Variants in SLC25A21 observed in about 807,000 individuals in gnomAD.
SLC25A21 encodes solute carrier family 25 member 21.
SLC25A21 carries 47 observed loss-of-function variants against 43.8 expected under a neutral mutation model. The observed-to-expected ratio is 1.07, with a 90% CI of 0.85 to 1.37. The LOEUF is 1.37. Ranked by LOEUF, SLC25A21 falls within the 40% of genes most tolerant of loss-of-function variation. SLC25A21 has a pLI of 0.00. For missense variants in SLC25A21, 352 were observed against 350.2 expected, an observed-to-expected ratio of 1.00 and a Z score of -0.04; for synonymous variants, 131 against 121.3, an observed-to-expected ratio of 1.08 and a Z score of -0.52.
chr14:36,825,398 A>T (rs1448108684), intron 2 of SLC25A21, among the ~76,000 whole-genome samples: 1 of 152,240 alleles, frequency 6.6e-6, no homozygotes, highest in Non-Finnish European at 1.5e-5. Context: ...AAAAATAATT[A>T]AAAATCACTT....
At chr14:36,712,609 T>G (rs1883932389) in intron 6 of SLC25A21, among the ~76,000 whole-genome samples, 2 of 152,190 alleles carry the variant, frequency 1.3e-5, no homozygotes, top group African/African-American at 4.8e-5. Context: ...GTAAATCCTA[T>G]AGTCTTTGCT....
intron 6 of SLC25A21, among the ~76,000 whole-genome samples, chr14:36,712,116 T>C (rs559897855): frequency 6.6e-6 from 1 of 152,314 alleles, no homozygotes; most frequent in South Asian, 2.1e-4. Context: ...AATTACTCCT[T>C]TCCAGTCCCC....
intron 1 of SLC25A21, among the ~76,000 whole-genome samples, chr14:37,083,593 C>T (rs769307884): frequency 2.0e-5 from 3 of 152,140 alleles, no homozygotes; most frequent in Non-Finnish European, 4.4e-5. Flanking sequence ...CAGTCAATAA[C>T]CACGAAAGCT....
intron 3 of SLC25A21, among the ~76,000 whole-genome samples, chr14:36,778,738 G>T (rs1409078947): frequency 6.6e-6 from 1 of 152,154 alleles, no homozygotes; most frequent in African/African-American, 2.4e-5. Context: ...ACAATGTGAT[G>T]ATTTGATACA....
chr14:36,927,799 C>T (rs908258700), intron 1 of SLC25A21, among the ~76,000 whole-genome samples: 5 of 152,218 alleles, frequency 3.3e-5, no homozygotes, highest in African/African-American at 1.2e-4. Flanking sequence ...TTGTACATGT[C>T]CCTAAAAATA....
At position 36,718,973 on chromosome 14, in the gene SLC25A21, C is replaced by G. The variant is rs184664144; in HGVS notation, c.438+6597G>C. Among the ~76,000 whole-genome samples, 122 of 152,038 alleles carry G rather than the reference C, an allele frequency of 8.0e-4. No individual in the cohort carries two copies. In the Middle Eastern group the frequency reaches 0.017, roughly 21 times the overall value. On this transcript the variant is annotated intron_variant, in intron 6 of 9. Transcript: ENST00000331299. The stretch of plus-strand genomic sequence containing the variant: ...TGAGAATGATTATGTTCATATGTAA[C>G]GTAGATAAAAAATGACAGAGTAGAA...
intron 1 of SLC25A21, among the ~76,000 whole-genome samples, chr14:37,061,205 C>A (rs1961941380): frequency 6.6e-6 from 1 of 152,066 alleles, no homozygotes; most frequent in South Asian, 2.1e-4. Context: ...TATTTCAGAG[C>A]CCCCCTTGTC....
At chr14:36,848,605 T>C (rs1461128588) in intron 2 of SLC25A21, among the ~76,000 whole-genome samples, 1 of 152,176 alleles carries the variant, frequency 6.6e-6, no homozygotes. Context: ...TCGGTAGAAA[T>C]GCAGTAAAGC....
At position 36,893,697 on chromosome 14, in the gene SLC25A21, A is replaced by G. The variant is rs544631157; in HGVS notation, c.71-18693T>C. On this transcript the variant is annotated intron_variant, in intron 1 of 9. Transcript: ENST00000331299. Reference sequence around the variant, plus strand: ...TTTAGGTCTAACATTTAAGTCTTTAATCCATCTTGAATTAATTTTTGTATA... The same window carrying G: ...TTTAGGTCTAACATTTAAGTCTTTAGTCCATCTTGAATTAATTTTTGTATA... Among the ~76,000 whole-genome samples, 491 of 152,230 alleles carry G rather than the reference A, an allele frequency of 3.2e-3. 4 individuals carry two copies. The highest frequency in any genetic ancestry group is 0.011 in the African/African-American group (461 of 41,536).
At chr14:36,988,898 T>C (rs184147993) in intron 1 of SLC25A21, among the ~76,000 whole-genome samples, 209 of 152,342 alleles carry the variant, frequency 1.4e-3, no homozygotes, top group African/African-American at 4.3e-3. Context: ...AAACATCACA[T>C]AGTTTGATAA....
At chr14:36,863,609 G>A (rs1298015071) in intron 2 of SLC25A21, among the ~76,000 whole-genome samples, 1 of 152,090 alleles carries the variant, frequency 6.6e-6, no homozygotes, top group South Asian at 2.1e-4. Flanking sequence ...TTTTATGTGG[G>A]GAGAACTGAC....
chr14:36,683,677 T>C (rs1882394469), intron 9 of SLC25A21, 151 bp downstream of exon 9: 1 of 508,792 alleles, frequency 2.0e-6, no homozygotes, highest in African/African-American at 2.0e-5. Flanking sequence ...ATGTCTTCAG[T>C]ATCTCAAATA....
chr14:36,755,189 CCAA>C (rs1407873069), intron 3 of SLC25A21, among the ~76,000 whole-genome samples: 10 of 152,142 alleles, frequency 6.6e-5, no homozygotes, highest in African/African-American at 2.2e-4. Context: ...AATCTGGTAT[CCAA>C]CAACATTTTA....
chr14:37,111,292 G>A (rs530215386), intron 1 of SLC25A21, among the ~76,000 whole-genome samples: 49 of 152,092 alleles, frequency 3.2e-4, no homozygotes, highest in African/African-American at 1.0e-3. Context: ...TTCTCCCCTC[G>A]CCCCCATGCA....
intron 1 of SLC25A21, among the ~76,000 whole-genome samples, chr14:37,028,402 T>C (rs1193896697): frequency 6.6e-6 from 1 of 152,216 alleles, no homozygotes; most frequent in Admixed American, 6.5e-5. Flanking sequence ...TTAGTGTCAC[T>C]TCTCTTGAAT....
At chr14:36,865,605 A>T (rs1890192548) in intron 2 of SLC25A21, among the ~76,000 whole-genome samples, 2 of 152,224 alleles carry the variant, frequency 1.3e-5, no homozygotes, top group South Asian at 2.1e-4. Flanking sequence ...TAAGAAAAAA[A>T]AAAAGGAATT....
Position 36,789,857 on chromosome 14 carries a change from T to A in SLC25A21, c.203+24061A>T, listed in dbSNP as rs57519778. 5.3e-5 allele frequency among the ~76,000 whole-genome samples: 6 copies of A among 113,620 alleles called. 1 individual carries two copies. The highest frequency in any genetic ancestry group is 2.2e-4 in the East Asian group (1 of 4,618). The allele number at this position is 113,620 out of a possible 152,430, so 74.5% of individuals were successfully genotyped here. A position where few individuals can be genotyped will look rare whatever the true frequency, so the allele number is the denominator to read the frequency against. ...TTTATATTTAATATATTTTATATAT[T>A]TATATAAAAATATATTATATATTTA... On this transcript the variant is annotated intron_variant, in intron 3 of 9. Coordinates refer to ENST00000331299, the MANE Select transcript of SLC25A21 (RefSeq NM_030631.4).
intron 4 of SLC25A21, among the ~76,000 whole-genome samples, chr14:36,730,693 T>G (rs1419938815): frequency 6.6e-6 from 1 of 152,196 alleles, no homozygotes; most frequent in Non-Finnish European, 1.5e-5. Context: ...GTCTTTCAAA[T>G]GCACTATGAA....
chr14:36,925,518 A>G (rs1892106057), intron 1 of SLC25A21, among the ~76,000 whole-genome samples: 1 of 152,170 alleles, frequency 6.6e-6, no homozygotes, highest in Non-Finnish European at 1.5e-5. Context: ...AGTTCATCAA[A>G]AAGTACAAGA....
Sources: allele counts gnomAD v4.1 joint callset (sites outside exome capture counted in the v4.1 genomes callset), GRCh38; gene constraint gnomAD v4.1.1; transcripts MANE v1.5; gene names NCBI Gene and HGNC (gene_info 2026-07-23, HGNC 2026-07-21).